ZDHHC20: variants seen among roughly 807,000 people sequenced by gnomAD.
ZDHHC20 encodes zDHHC palmitoyltransferase 20.
ZDHHC20 carries 43 observed loss-of-function variants against 57.8 expected under a neutral mutation model. The ratio of observed to expected loss-of-function variants is 0.74; its 90% CI spans 0.58 to 0.96. The LOEUF is 0.96. Among genes scored for constraint, ZDHHC20 ranks in the 40% least tolerant of loss-of-function variants. The pLI is 0.00. For missense variants in ZDHHC20, 391 were observed against 441.1 expected (o/e 0.89, Z 1.02); for synonymous variants, 157 against 153.0 (o/e 1.03, Z -0.19).
intron 4 of ZDHHC20, among the ~76,000 whole-genome samples, chr13:21,405,895 T>C (rs974961109): frequency 6.6e-6 from 1 of 152,200 alleles, no homozygotes; most frequent in Non-Finnish European, 1.5e-5. Flanking sequence ...CCATAATGCT[T>C]GGGTGCACCA....
chr13:21,397,300 T>G (rs1876947127), intron 7 of ZDHHC20, among the ~76,000 whole-genome samples: 1 of 150,788 alleles, frequency 6.6e-6, no homozygotes, highest in African/African-American at 2.4e-5. Flanking sequence ...CACTCTAGCC[T>G]GGGTGACAAG....
intron 12 of ZDHHC20, chr13:21,377,137 G>A (rs1872240671): frequency 5.9e-6 from 1 of 170,800 alleles, no homozygotes; most frequent in African/African-American, 2.4e-5. Context: ...TGGTGGCATG[G>A]ACCTGGCTTA....
At chr13:21,407,483 T>C (rs191189510) in intron 4 of ZDHHC20, among the ~76,000 whole-genome samples, 1 of 152,358 alleles carries the variant, frequency 6.6e-6, no homozygotes, top group Non-Finnish European at 1.5e-5. Flanking sequence ...AGGTTGTTTT[T>C]TTCTTGGAAA....
chr13:21,422,633 TA>T (rs1269206960), intron 2 of ZDHHC20, among the ~76,000 whole-genome samples: 5 of 152,162 alleles, frequency 3.3e-5, no homozygotes, highest in Admixed American at 6.5e-5. Flanking sequence ...TCATTATTAT[TA>T]TTTTCGTTAT....
intron 12 of ZDHHC20, chr13:21,377,037 G>GCAATTATT (rs1872218691): frequency 6.2e-6 from 1 of 162,540 alleles, no homozygotes; most frequent in Non-Finnish European, 1.3e-5. Context: ...ACAAGCATCA[G>GCAATTATT]CAATTATTTC....
rs753594337 is a variant in ZDHHC20, at chr13:21,374,701, A to G, written c.*1995T>C. 51 of 246,902 alleles carry G rather than the reference A, an allele frequency of 2.1e-4. No homozygotes were observed. The highest frequency in any genetic ancestry group is 1.6e-3 in the Middle Eastern group (1 of 630). The allele number at this position is 246,902 out of a possible 1,614,324, so 15.3% of individuals were successfully genotyped here. A position where few individuals can be genotyped will look rare whatever the true frequency, so the allele number is the denominator to read the frequency against. ...AAAAGTTGCCTCCTTTTAAAATCCA[A>G]TATTAGTATGGCTGATGGAAATTAG... On this transcript the variant is annotated 3_prime_UTR_variant, in exon 13 of 13. Transcript: ENST00000400590.
At chr13:21,404,889 T>C (rs1320274349) in intron 4 of ZDHHC20, among the ~76,000 whole-genome samples, 3 of 152,126 alleles carry the variant, frequency 2.0e-5, no homozygotes, top group Non-Finnish European at 4.4e-5. Context: ...TTAATATATA[T>C]AACAGGGAAA....
At chr13:21,453,789 C>T (rs1043278436) in intron 1 of ZDHHC20, among the ~76,000 whole-genome samples, 3 of 152,046 alleles carry the variant, frequency 2.0e-5, no homozygotes, top group Non-Finnish European at 2.9e-5. Flanking sequence ...CGAGATTGCG[C>T]CATTGCACTC....
intron 1 of ZDHHC20, among the ~76,000 whole-genome samples, chr13:21,450,053 T>C (rs1175589628): frequency 6.6e-6 from 1 of 152,062 alleles, no homozygotes; most frequent in Non-Finnish European, 1.5e-5. Context: ...AGACATTTAA[T>C]GACAGAACAA....
At chr13:21,457,252 A>G (rs956852582) in intron 1 of ZDHHC20, among the ~76,000 whole-genome samples, 1 of 152,224 alleles carries the variant, frequency 6.6e-6, no homozygotes, top group Non-Finnish European at 1.5e-5. Context: ...GAATCTCAAC[A>G]TAAATGCACA....
chr13:21,410,381 A>C (rs558226155), intron 4 of ZDHHC20, among the ~76,000 whole-genome samples: 2 of 152,316 alleles, frequency 1.3e-5, no homozygotes, highest in Admixed American at 6.5e-5. Flanking sequence ...GCAGAGCTCG[A>C]GTACTGTGCT....
At chr13:21,401,510 T>A in intron 6 of ZDHHC20, 143 bp downstream of exon 6, 1 of 664,806 alleles carries the variant, frequency 1.5e-6, no homozygotes, top group South Asian at 2.1e-5. Flanking sequence ...TATAACTGTT[T>A]ACATACAAAT....
At chr13:21,427,162 T>G (rs1178002228) in intron 1 of ZDHHC20, among the ~76,000 whole-genome samples, 1 of 152,210 alleles carries the variant, frequency 6.6e-6, no homozygotes, top group East Asian at 1.9e-4. Context: ...TTTCTTTTTA[T>G]TTTTTCAATT....
At chr13:21,406,693 G>A (rs991147624) in intron 4 of ZDHHC20, among the ~76,000 whole-genome samples, 1 of 152,132 alleles carries the variant, frequency 6.6e-6, no homozygotes, top group Non-Finnish European at 1.5e-5. Flanking sequence ...CTTCATCCAT[G>A]TCCCTGCAAA....
intron 11 of ZDHHC20, among the ~76,000 whole-genome samples, chr13:21,380,717 G>A (rs1435279953): frequency 6.6e-6 from 1 of 151,352 alleles, no homozygotes; most frequent in Non-Finnish European, 1.5e-5. Flanking sequence ...ACTTGAACCC[G>A]GGAGGCGGAG....
chr13:21,429,906 A>C (rs78812378), intron 1 of ZDHHC20, among the ~76,000 whole-genome samples: 5,740 of 151,968 alleles, frequency 0.038, 342 homozygotes, highest in African/African-American at 0.13. Flanking sequence ...ACTTTTTAAA[A>C]TTTTGGCTAT....
At chr13:21,428,952 A>AT (rs1254079582) in intron 1 of ZDHHC20, among the ~76,000 whole-genome samples, 3 of 152,156 alleles carry the variant, frequency 2.0e-5, no homozygotes, top group Non-Finnish European at 2.9e-5. Context: ...ATGTTTATAC[A>AT]TTTTTTTATG....
chr13:21,381,168 G>A (rs776286525), intron 11 of ZDHHC20, among the ~76,000 whole-genome samples: 7 of 151,860 alleles, frequency 4.6e-5, no homozygotes, highest in African/African-American at 9.6e-5. Flanking sequence ...CACCACGCCC[G>A]GCTAATTTTT....
At chr13:21,398,706 CCAAT>C (rs918243804) in intron 7 of ZDHHC20, among the ~76,000 whole-genome samples, 1 of 152,096 alleles carries the variant, frequency 6.6e-6, no homozygotes, top group Non-Finnish European at 1.5e-5. Context: ...GATGTTGTTC[CCAAT>C]CAATCAGATA....
Sources: gnomAD v4.1 joint callset for allele counts (sites outside exome capture counted in the v4.1 genomes callset) on GRCh38, gnomAD v4.1.1 for gene constraint, MANE v1.5 for transcripts, NCBI Gene and HGNC (gene_info 2026-07-23, HGNC 2026-07-21) for gene names.